The following ATG10 variants were observed in gnomAD, a reference collection of about 807,000 sequenced individuals.
The protein encoded by ATG10 is autophagy related 10, also known as ubiquitin-like-conjugating enzyme ATG10.
ATG10 carries 30 observed loss-of-function variants against 32.1 expected under a neutral mutation model. That is an observed-to-expected ratio of 0.94 (90% CI 0.70 to 1.27). ATG10 has a LOEUF of 1.27. ATG10 is among the 50% of genes most tolerant of loss of function. The pLI, the probability that ATG10 is intolerant of heterozygous loss-of-function variation, is 0.00. For synonymous variants in ATG10, 87 were observed against 91.5 expected, an observed-to-expected ratio of 0.95 and a Z score of 0.28; for missense variants, 233 against 262.3, an observed-to-expected ratio of 0.89 and a Z score of 0.77.
At chr5:82,020,834 A>C (rs888467106) in intron 2 of ATG10, among the ~76,000 whole-genome samples, 1 of 152,238 alleles carries the variant, frequency 6.6e-6, no homozygotes, top group Non-Finnish European at 1.5e-5. Context: ...ACATGGATAT[A>C]GGGAGAGAAA....
Position 82,175,811 on chromosome 5 carries a change from A to G in ATG10, c.356-2679A>G, listed in dbSNP as rs528521770. Among the ~76,000 whole-genome samples, 12 of 151,976 alleles carry G rather than the reference A, an allele frequency of 7.9e-5. No homozygotes were observed. The South Asian group carries it at 1.9e-3, about 24-fold the overall frequency. Reference sequence around the variant, plus strand: ...CTGCTTTACTTTTCGTTTTCACCATAGTATGTATCACCTCCTAAGATAATA... The same window carrying G: ...CTGCTTTACTTTTCGTTTTCACCATGGTATGTATCACCTCCTAAGATAATA... On this transcript the variant is annotated intron_variant, in intron 4 of 7. Transcript: ENST00000282185.
chr5:82,171,223 T>C (rs1371997905), intron 4 of ATG10, among the ~76,000 whole-genome samples: 1 of 152,204 alleles, frequency 6.6e-6, no homozygotes, highest in Non-Finnish European at 1.5e-5. Flanking sequence ...CTTAACACTG[T>C]GTGTGGACAG....
chr5:82,200,924 C>A (rs1745047338), intron 5 of ATG10, among the ~76,000 whole-genome samples: 1 of 151,446 alleles, frequency 6.6e-6, no homozygotes, highest in Non-Finnish European at 1.5e-5. Context: ...GAGTCTCTCT[C>A]TGTCACCCAG....
chr5:82,103,215 A>T (rs563217812), intron 3 of ATG10, among the ~76,000 whole-genome samples: 7 of 152,330 alleles, frequency 4.6e-5, no homozygotes, highest in African/African-American at 1.7e-4. Flanking sequence ...TAAATTTAAT[A>T]AATATGTTTT....
intron 3 of ATG10, among the ~76,000 whole-genome samples, chr5:82,105,359 A>G (rs567625412): frequency 6.6e-6 from 1 of 152,184 alleles, no homozygotes; most frequent in South Asian, 2.1e-4. Context: ...GCTAATTTAC[A>G]GCTCTGAAAC....
At chr5:82,023,020 A>G (rs1254398449) in intron 2 of ATG10, among the ~76,000 whole-genome samples, 4 of 150,654 alleles carry the variant, frequency 2.7e-5, no homozygotes, top group Non-Finnish European at 5.9e-5. Context: ...ATATATATAT[A>G]TATGTATGTA....
At chr5:82,187,328 T>TG (rs1744488372) in intron 5 of ATG10, among the ~76,000 whole-genome samples, 1 of 151,812 alleles carries the variant, frequency 6.6e-6, no homozygotes, top group Non-Finnish European at 1.5e-5. Flanking sequence ...CTGGCTAACA[T>TG]GGGGAAACCC....
intron 2 of ATG10, among the ~76,000 whole-genome samples, chr5:81,991,297 C>T (rs1761446800): frequency 6.6e-6 from 1 of 152,066 alleles, no homozygotes; most frequent in Non-Finnish European, 1.5e-5. Flanking sequence ...TATTGTTTTG[C>T]TTTTCAGGCC....
intron 2 of ATG10, among the ~76,000 whole-genome samples, chr5:81,993,360 C>CTTCTTTCTTTCTTTCTTTTCTT (rs1389776064): frequency 4.5e-4 from 21 of 46,798 alleles, no homozygotes; most frequent in African/African-American, 1.9e-3. Context: ...TCTTTCTTTC[C>CTTCTTTCTTTCTTTCTTTTCTT]TTCTTTTCTT....
At chr5:82,014,819 CCA>C (rs1762234148) in intron 2 of ATG10, among the ~76,000 whole-genome samples, 1 of 152,096 alleles carries the variant, frequency 6.6e-6, no homozygotes, top group South Asian at 2.1e-4. Flanking sequence ...AGCATTTAGC[CCA>C]TTTACATTTA....
At chr5:82,077,453 A>G (rs1043643309) in intron 3 of ATG10, among the ~76,000 whole-genome samples, 2 of 152,214 alleles carry the variant, frequency 1.3e-5, no homozygotes, top group Non-Finnish European at 2.9e-5. Flanking sequence ...AGCATTTGTA[A>G]TAATAATATT....
chr5:82,039,852 G>A (rs1763031836), intron 2 of ATG10, among the ~76,000 whole-genome samples: 1 of 152,108 alleles, frequency 6.6e-6, no homozygotes, highest in Non-Finnish European at 1.5e-5. Flanking sequence ...GGGCTTTGCT[G>A]GGCAATTCTT....
chr5:82,030,722 C>A (rs1179783871), intron 2 of ATG10, among the ~76,000 whole-genome samples: 2 of 152,178 alleles, frequency 1.3e-5, no homozygotes, highest in Non-Finnish European at 2.9e-5. Context: ...CCTTTTCCTG[C>A]AAGTATAACA....
chr5:81,972,434 C>T (rs1295998095), intron 1 of ATG10, 128 bp downstream of exon 1: 1 of 152,372 alleles, frequency 6.6e-6, no homozygotes, highest in African/African-American at 2.4e-5. Flanking sequence ...CAGTCCTGAA[C>T]AAAAGGCCGG....
intron 2 of ATG10, among the ~76,000 whole-genome samples, chr5:82,038,237 G>T (rs1441768702): frequency 1.3e-5 from 2 of 152,196 alleles, no homozygotes; most frequent in Non-Finnish European, 2.9e-5. Context: ...ACTGGTGCCT[G>T]GTTCTTAATT....
At chr5:82,116,701 C>T (rs988199695) in intron 3 of ATG10, among the ~76,000 whole-genome samples, 2 of 152,054 alleles carry the variant, frequency 1.3e-5, no homozygotes. Context: ...CTACGCCTCC[C>T]GAATCCTATT....
chr5:82,055,942 C>T lies in ATG10; in HGVS notation c.109-2553C>T, dbSNP rs563117375. On this transcript the variant is annotated intron_variant, in intron 2 of 7. Transcript: ENST00000282185. ...AGTAACATGCTGTACAGGTTTGCAG[C>T]CTAGGAGCAAGCAACTATGTCTATA... Among the ~76,000 whole-genome samples, 805 of 152,214 alleles carry T rather than the reference C, an allele frequency of 5.3e-3. 2 individuals carry two copies. The highest frequency in any genetic ancestry group is 9.1e-3 in the Non-Finnish European group (619 of 68,026).
intron 6 of ATG10, 82 bp from the exon 7 acceptor site, chr5:82,253,232 T>C: frequency 1.1e-6 from 1 of 909,522 alleles, no homozygotes; most frequent in Non-Finnish European, 1.8e-6. Flanking sequence ...TTGTTATTGT[T>C]GGTGACCAAC....
chr5:82,076,467 A>G (rs192767547), intron 3 of ATG10, among the ~76,000 whole-genome samples: 20 of 152,362 alleles, frequency 1.3e-4, no homozygotes, highest in Admixed American at 4.6e-4. Flanking sequence ...TTGGAATGTC[A>G]TAGGAGAATA....
Sources: gnomAD v4.1 joint callset for allele counts (sites outside exome capture counted in the v4.1 genomes callset) on GRCh38, gnomAD v4.1.1 for gene constraint, MANE v1.5 for transcripts, NCBI Gene and HGNC (gene_info 2026-07-23, HGNC 2026-07-21) for gene names.